CDH12: variants seen among roughly 807,000 people sequenced by gnomAD.
CDH12 encodes cadherin 12, also known as cadherin-12.
Under a neutral mutation model 74.1 loss-of-function variants are expected in CDH12, and 41 were observed. That is an observed-to-expected ratio of 0.55 (90% CI 0.43 to 0.72). The LOEUF (loss-of-function observed/expected upper bound fraction) is 0.72, where lower values mean the gene tolerates loss of function less well. Ranked by LOEUF, CDH12 falls within the 30% of genes least tolerant of loss-of-function variation. CDH12 has a pLI of 0.00. For missense variants in CDH12, 945 were observed against 977.2 expected, an observed-to-expected ratio of 0.97 and a Z score of 0.44; for synonymous variants, 399 against 355.0, an observed-to-expected ratio of 1.12 and a Z score of -1.39.
At chr5:21,997,402 A>G (rs1736359718) in intron 5 of CDH12, among the ~76,000 whole-genome samples, 1 of 152,154 alleles carries the variant, frequency 6.6e-6, no homozygotes, top group South Asian at 2.1e-4. Flanking sequence ...CACATGTTAT[A>G]TATTGTGGGG....
At chr5:22,314,730 G>A (rs956206800) in intron 3 of CDH12, among the ~76,000 whole-genome samples, 3 of 151,934 alleles carry the variant, frequency 2.0e-5, no homozygotes, top group African/African-American at 7.3e-5. Flanking sequence ...GGATTGTAAA[G>A]TTACAAGCTG....
chr5:22,775,904 G>A (rs1580988671), intron 1 of CDH12, among the ~76,000 whole-genome samples: 1 of 152,016 alleles, frequency 6.6e-6, no homozygotes, highest in East Asian at 1.9e-4. Context: ...TGCTATTCTT[G>A]TGATAGTGAA....
chr5:22,477,331 T>C (rs948434974), intron 2 of CDH12, among the ~76,000 whole-genome samples: 1 of 152,162 alleles, frequency 6.6e-6, no homozygotes, highest in African/African-American at 2.4e-5. Context: ...AGTGAGAACA[T>C]GTGGTTTTTG....
At chr5:22,400,161 T>C (rs1379012786) in intron 3 of CDH12, among the ~76,000 whole-genome samples, 2 of 152,182 alleles carry the variant, frequency 1.3e-5, no homozygotes, top group African/African-American at 4.8e-5. Flanking sequence ...TCACTGATTT[T>C]ATTCTACTGG....
At chr5:21,761,266 T>C (rs543544602) in intron 12 of CDH12, among the ~76,000 whole-genome samples, 1 of 152,296 alleles carries the variant, frequency 6.6e-6, no homozygotes, top group East Asian at 1.9e-4. Context: ...CCTAAATTGC[T>C]TCCATACGTT....
chr5:21,892,292 G>C (rs1224557876), intron 6 of CDH12, among the ~76,000 whole-genome samples: 3 of 152,242 alleles, frequency 2.0e-5, no homozygotes, highest in East Asian at 3.9e-4. Flanking sequence ...GCAAGGCTCA[G>C]AGTGATGTGG....
chr5:21,778,480 A>AAAAAAAAAAAAAAAAAAAAAAT (rs1745722014), intron 11 of CDH12, among the ~76,000 whole-genome samples: 1 of 150,332 alleles, frequency 6.7e-6, no homozygotes, highest in Non-Finnish European at 1.5e-5. Flanking sequence ...AAAAAAAAAA[A>AAAAAAAAAAAAAAAAAAAAAAT]AAAAAAAAAA....
intron 6 of CDH12, among the ~76,000 whole-genome samples, chr5:21,870,268 G>T (rs1751549495): frequency 6.6e-6 from 1 of 152,086 alleles, no homozygotes; most frequent in African/African-American, 2.4e-5. Context: ...TAGAGAATTG[G>T]GAAAGCACTA....
intron 2 of CDH12, among the ~76,000 whole-genome samples, chr5:22,442,827 A>G (rs1396242015): frequency 6.6e-6 from 1 of 152,196 alleles, no homozygotes; most frequent in African/African-American, 2.4e-5. Context: ...TCCAAGGTTT[A>G]AAGAGTACTT....
chr5:21,886,869 A>C (rs994628374), intron 6 of CDH12, among the ~76,000 whole-genome samples: 1 of 151,902 alleles, frequency 6.6e-6, no homozygotes, highest in African/African-American at 2.4e-5. Flanking sequence ...ATGCATGATG[A>C]TCTTTGGTTT....
intron 4 of CDH12, among the ~76,000 whole-genome samples, chr5:22,202,547 T>G (rs1455538858): frequency 6.6e-6 from 1 of 152,150 alleles, no homozygotes; most frequent in Non-Finnish European, 1.5e-5. Context: ...GTCAGTGGTG[T>G]TAAATTTAAA....
At chr5:22,813,916 C>T (rs1749267261) in intron 1 of CDH12, among the ~76,000 whole-genome samples, 1 of 152,112 alleles carries the variant, frequency 6.6e-6, no homozygotes, top group South Asian at 2.1e-4. Context: ...TGCCCTGACT[C>T]CTGACCCACA....
At chr5:21,901,606 G>A (rs941409446) in intron 6 of CDH12, among the ~76,000 whole-genome samples, 3 of 151,778 alleles carry the variant, frequency 2.0e-5, no homozygotes, top group Non-Finnish European at 4.4e-5. Context: ...TTCCTGATTC[G>A]CCCATCACAT....
intron 1 of CDH12, among the ~76,000 whole-genome samples, chr5:22,755,617 A>G (rs954370349): frequency 1.3e-5 from 2 of 152,138 alleles, no homozygotes; most frequent in Admixed American, 1.3e-4. Flanking sequence ...TGCTTTTGTT[A>G]GAAAAAAACG....
chr5:22,768,783 T>C (rs1007897381), intron 1 of CDH12, among the ~76,000 whole-genome samples: 6 of 152,160 alleles, frequency 3.9e-5, no homozygotes, highest in African/African-American at 1.4e-4. Flanking sequence ...ATTATCTAGG[T>C]ATAAACTAAA....
intron 5 of CDH12, among the ~76,000 whole-genome samples, chr5:22,041,965 C>T (rs1295498648): frequency 6.6e-6 from 1 of 152,064 alleles, no homozygotes; most frequent in African/African-American, 2.4e-5. Flanking sequence ...TTATTTCTGA[C>T]CACAATGGTA....
chr5:22,757,978 T>C (rs1049073825), intron 1 of CDH12, among the ~76,000 whole-genome samples: 1 of 152,194 alleles, frequency 6.6e-6, no homozygotes, highest in Non-Finnish European at 1.5e-5. Context: ...CAGACTTTTA[T>C]GTGATAGAAT....
chr5:22,347,719 T>G (rs1010998595), intron 3 of CDH12, among the ~76,000 whole-genome samples: 10 of 152,182 alleles, frequency 6.6e-5, no homozygotes, highest in Non-Finnish European at 1.0e-4. Flanking sequence ...ATATGATGAT[T>G]ATTATTATTT....
chr5:22,137,062 T>G (rs2150293313), intron 4 of CDH12, among the ~76,000 whole-genome samples: 1 of 151,694 alleles, frequency 6.6e-6, no homozygotes, highest in South Asian at 2.1e-4. Context: ...TGTGAATATC[T>G]CTCTATGAAA....
Sources: gnomAD v4.1 joint callset for allele counts (sites outside exome capture counted in the v4.1 genomes callset) on GRCh38, gnomAD v4.1.1 for gene constraint, MANE v1.5 for transcripts, NCBI Gene and HGNC (gene_info 2026-07-23, HGNC 2026-07-21) for gene names.